WWOX: variants seen among roughly 807,000 people sequenced by gnomAD.
The protein encoded by WWOX is WW domain-containing oxidoreductase.
A neutral mutation model predicts 46.2 loss-of-function variants in WWOX; 69 were observed. The ratio of observed to expected loss-of-function variants is 1.49; its 90% CI spans 1.23 to 1.82. WWOX has a LOEUF of 1.82. Ranked by LOEUF, WWOX falls within the 40% of genes most tolerant of loss-of-function variation. The pLI is 0.00. For synonymous variants in WWOX, 359 were observed against 202.6 expected (o/e 1.77, Z -6.56); for missense variants, 919 against 542.6 (o/e 1.69, Z -6.89).
At chr16:78,243,602 A>G (rs1036525742) in intron 5 of WWOX, among the ~76,000 whole-genome samples, 2 of 152,104 alleles carry the variant, frequency 1.3e-5, no homozygotes, top group Non-Finnish European at 2.9e-5. Context: ...GCTGGAATGC[A>G]GTGGCACCAT....
chr16:78,514,712 A>T (rs764949686), intron 8 of WWOX, among the ~76,000 whole-genome samples: 1 of 152,210 alleles, frequency 6.6e-6, no homozygotes. Context: ...GCAGTTTAAA[A>T]ACAGTATGTA....
intron 8 of WWOX, among the ~76,000 whole-genome samples, chr16:78,747,071 T>C (rs1287845902): frequency 6.6e-6 from 1 of 152,126 alleles, no homozygotes; most frequent in Non-Finnish European, 1.5e-5. Flanking sequence ...CCCAATATCC[T>C]GCAACCACTC....
intron 8 of WWOX, among the ~76,000 whole-genome samples, chr16:79,211,032 G>GTGTGTGTGT (rs755105354): frequency 5.6e-3 from 170 of 30,452 alleles, no homozygotes; most frequent in Non-Finnish European, 8.1e-3. Context: ...TGTATGGTGA[G>GTGTGTGTGT]GAGTGTGTGT....
intron 8 of WWOX, among the ~76,000 whole-genome samples, chr16:78,801,660 A>T (rs1474481209): frequency 6.6e-6 from 1 of 152,220 alleles, no homozygotes. Context: ...GAATGAAGTT[A>T]TCCACAGAGT....
rs552561584 is a variant in WWOX at position 78,936,640 on chromosome 16, C to G, written c.1057-274968C>G. Among the ~76,000 whole-genome samples the G allele has an allele frequency of 2.0e-5, 3 of 152,218 alleles. No individual in the cohort carries two copies. In the South Asian group the frequency reaches 6.2e-4, roughly 32 times the overall value. The stretch of plus-strand genomic sequence containing the variant: ...AGGCTGGATGGGTTTTGGAACATGT[C>G]TTGATTGTACTTTTTCCTCTTGGTT... On this transcript the variant is annotated intron_variant, in intron 8 of 8. Coordinates refer to ENST00000566780, the MANE Select transcript of WWOX (RefSeq NM_016373.4).
chr16:78,381,663 G>C (rs1462444351), intron 5 of WWOX, among the ~76,000 whole-genome samples: 1 of 152,170 alleles, frequency 6.6e-6, no homozygotes, highest in African/African-American at 2.4e-5. Flanking sequence ...ATTTGGGGAA[G>C]GAAAATTTTG....
At chr16:78,541,379 C>T (rs1330912028) in intron 8 of WWOX, among the ~76,000 whole-genome samples, 3 of 139,404 alleles carry the variant, frequency 2.2e-5, no homozygotes, top group Admixed American at 1.6e-4. Flanking sequence ...GAGGCTGAGG[C>T]AGGAGAATGG....
chr16:78,768,395 C>T (rs1419027775), intron 8 of WWOX, among the ~76,000 whole-genome samples: 5 of 150,612 alleles, frequency 3.3e-5, no homozygotes, highest in East Asian at 2.0e-4. Context: ...TTTGAGACCA[C>T]ACTGGCCAAC....
At chr16:78,625,734 C>G (rs2550606) in intron 8 of WWOX, among the ~76,000 whole-genome samples, 74,884 of 141,660 alleles carry the variant, frequency 0.53, 20,047 homozygotes, top group Middle Eastern at 0.64. Flanking sequence ...TGCGGTTTTA[C>G]TTCTGCAGTT....
At chr16:78,879,482 C>T (rs2044298716) in intron 8 of WWOX, among the ~76,000 whole-genome samples, 1 of 151,860 alleles carries the variant, frequency 6.6e-6, no homozygotes, top group Admixed American at 6.6e-5. Context: ...TAATACCACC[C>T]TGGTCTTCAA....
chr16:78,712,022 C>T (rs2048454764), intron 8 of WWOX, among the ~76,000 whole-genome samples: 1 of 152,158 alleles, frequency 6.6e-6, no homozygotes, highest in Admixed American at 6.5e-5. Context: ...AACGTCCTCC[C>T]AATCATAGGG....
At chr16:78,406,823 A>G (rs762210584) in intron 6 of WWOX, among the ~76,000 whole-genome samples, 2 of 151,770 alleles carry the variant, frequency 1.3e-5, no homozygotes, top group Non-Finnish European at 2.9e-5. Flanking sequence ...GATGGGTTTC[A>G]CTGTGTTGGC....
At chr16:78,914,827 C>T (rs543488536) in intron 8 of WWOX, among the ~76,000 whole-genome samples, 3 of 147,606 alleles carry the variant, frequency 2.0e-5, no homozygotes, top group African/African-American at 7.5e-5. Flanking sequence ...TGCAGTGAGC[C>T]AGGATCGCGC....
chr16:78,513,623 C>T (rs2085416726), intron 8 of WWOX, among the ~76,000 whole-genome samples: 1 of 152,138 alleles, frequency 6.6e-6, no homozygotes, highest in South Asian at 2.1e-4. Context: ...ATACAAATTG[C>T]CTGTGAGTCC....
intron 8 of WWOX, chr16:78,996,273 C>T (rs1280994535): frequency 5.1e-6 from 5 of 984,628 alleles, no homozygotes; most frequent in Admixed American, 6.2e-5. Flanking sequence ...CCCTTTTCAG[C>T]TGGGTGCTCC....
rs941728390 is a variant in WWOX, at chr16:78,290,843, T to A, written c.517-96017T>A. 5.6e-4 allele frequency among the ~76,000 whole-genome samples: 85 copies of A among 152,344 alleles called. 1 individual carries two copies. The highest frequency in any genetic ancestry group is 1.7e-3 in the African/African-American group (70 of 41,592). On this transcript the variant is annotated intron_variant, in intron 5 of 8. Transcript: ENST00000566780. ...AAATGGTATGACTAGGTTCTTTTTT[T>A]AAAAATTCTTTCATAGGAGAAAGTT...
intron 5 of WWOX, among the ~76,000 whole-genome samples, chr16:78,235,425 G>A (rs779432005): frequency 6.6e-6 from 1 of 152,090 alleles, no homozygotes; most frequent in Non-Finnish European, 1.5e-5. Context: ...ATGCTCTTGG[G>A]GAATCATAAA....
chr16:79,022,940 A>G (rs1301242197), intron 8 of WWOX, among the ~76,000 whole-genome samples: 1 of 152,234 alleles, frequency 6.6e-6, no homozygotes, highest in Non-Finnish European at 1.5e-5. Flanking sequence ...GCATCTGCTA[A>G]TAATACCTAT....
intron 8 of WWOX, among the ~76,000 whole-genome samples, chr16:78,834,589 G>T (rs776785335): frequency 2.6e-5 from 4 of 152,174 alleles, no homozygotes; most frequent in Non-Finnish European, 4.4e-5. Context: ...CATTGCCGAT[G>T]ATCAGAAAGT....
Sources: allele counts gnomAD v4.1 joint callset (sites outside exome capture counted in the v4.1 genomes callset), GRCh38; gene constraint gnomAD v4.1.1; transcripts MANE v1.5; gene names NCBI Gene and HGNC (gene_info 2026-07-23, HGNC 2026-07-21).